Variants in ZFHX3 observed in about 807,000 individuals in gnomAD.
ZFHX3 encodes the protein zinc finger homeobox 3, also known as zinc finger homeobox protein 3.
ZFHX3 carries 42 observed loss-of-function variants against 279.1 expected under a neutral mutation model. That is an observed-to-expected ratio of 0.15 (90% CI 0.12 to 0.19). ZFHX3 has a LOEUF of 0.19. ZFHX3 is among the 10% of genes least tolerant of loss of function. The pLI is 1.00. For synonymous variants in ZFHX3, 2,293 were observed against 1,957.8 expected (o/e 1.17, Z -4.52); for missense variants, 4,981 against 4,754.0 (o/e 1.05, Z -1.40).
At chr16:72,911,810 G>A (rs1003635659) in intron 3 of ZFHX3, among the ~76,000 whole-genome samples, 13 of 152,168 alleles carry the variant, frequency 8.5e-5, no homozygotes, top group Non-Finnish European at 1.6e-4. Context: ...CTAGTGGACG[G>A]TGCTGAATTC....
chr16:73,537,268 T>G (rs2019918635), intron 2 of ZFHX3, among the ~76,000 whole-genome samples: 1 of 151,886 alleles, frequency 6.6e-6, no homozygotes, highest in African/African-American at 2.4e-5. Context: ...AATGTTTTCT[T>G]GTGTTCTGAT....
chr16:72,953,125 G>C (rs1240957715), intron 2 of ZFHX3, among the ~76,000 whole-genome samples: 1 of 152,184 alleles, frequency 6.6e-6, no homozygotes, highest in Non-Finnish European at 1.5e-5. Context: ...CAGACCAGCA[G>C]CTGCGTTTGA....
intron 3 of ZFHX3, among the ~76,000 whole-genome samples, chr16:73,390,317 G>A (rs1472310721): frequency 6.6e-6 from 1 of 152,188 alleles, no homozygotes; most frequent in East Asian, 1.9e-4. Context: ...TGGTCACCAT[G>A]GTGCTGAGAG....
chr16:73,078,866 G>T (rs1461834804), intron 8 of ZFHX3, among the ~76,000 whole-genome samples: 1 of 151,454 alleles, frequency 6.6e-6, no homozygotes, highest in Non-Finnish European at 1.5e-5. Flanking sequence ...GGATGGTCTC[G>T]ATCTCCTGAC....
chr16:73,743,109 A>G (rs1207093935), intron 1 of ZFHX3, among the ~76,000 whole-genome samples: 2 of 152,206 alleles, frequency 1.3e-5, no homozygotes, highest in African/African-American at 4.8e-5. Flanking sequence ...CTGAATTTTT[A>G]TATAAATGGG....
At chr16:73,064,508 CTTT>C (rs959939722), upstream of ZFHX3, among the ~76,000 whole-genome samples, 1 of 145,056 alleles carries the variant, frequency 6.9e-6, no homozygotes. Context: ...GGGAACAAGC[CTTT>C]TTTTTTTTTC....
intron 7 of ZFHX3, chr16:73,126,546 C>T (rs368765152): frequency 6.6e-6 from 1 of 152,108 alleles, no homozygotes; most frequent in Non-Finnish European, 1.5e-5. Flanking sequence ...TTAGGGTACA[C>T]GTTGGAAAAA....
chr16:73,295,510 T>A (rs2014887977), intron 4 of ZFHX3, among the ~76,000 whole-genome samples: 1 of 152,250 alleles, frequency 6.6e-6, no homozygotes, highest in African/African-American at 2.4e-5. Flanking sequence ...CAACTACATT[T>A]CAGCACACTT....
chr16:72,846,129 T>G (rs1315019862), intron 4 of ZFHX3, among the ~76,000 whole-genome samples: 1 of 150,510 alleles, frequency 6.6e-6, no homozygotes, highest in Non-Finnish European at 1.5e-5. Context: ...CAGGAAGGAG[T>G]GGGGAGAGTA....
At chr16:73,081,145 T>C (rs1965939091) in intron 8 of ZFHX3, 2 of 152,262 alleles carry the variant, frequency 1.3e-5, no homozygotes, top group Non-Finnish European at 2.9e-5. Flanking sequence ...AACCTCACTG[T>C]CCCAGCACCA....
At chr16:73,832,860 T>C (rs972762679) in intron 1 of ZFHX3, among the ~76,000 whole-genome samples, 3 of 152,200 alleles carry the variant, frequency 2.0e-5, no homozygotes, top group African/African-American at 7.2e-5. Flanking sequence ...TTCTCACAAA[T>C]TATCTTCATC....
intron 1 of ZFHX3, among the ~76,000 whole-genome samples, chr16:73,888,440 A>G (rs1469263247): frequency 1.3e-5 from 2 of 152,224 alleles, no homozygotes; most frequent in Admixed American, 1.3e-4. Flanking sequence ...AAAAATAGTA[A>G]TAATAATAAA....
intron 8 of ZFHX3, among the ~76,000 whole-genome samples, chr16:73,073,128 C>T (rs1965845405): frequency 6.6e-6 from 1 of 152,154 alleles, no homozygotes; most frequent in Non-Finnish European, 1.5e-5. Flanking sequence ...AACTCCTGAG[C>T]TCTGGCAATC....
chr16:73,131,431 T>C (rs1966678278), intron 6 of ZFHX3, among the ~76,000 whole-genome samples: 1 of 152,212 alleles, frequency 6.6e-6, no homozygotes, highest in African/African-American at 2.4e-5. Context: ...AAATGTAACT[T>C]GTCCAAGGTC....
chr16:73,644,129 G>C (rs912032610), intron 2 of ZFHX3, among the ~76,000 whole-genome samples: 1 of 151,992 alleles, frequency 6.6e-6, no homozygotes, highest in Non-Finnish European at 1.5e-5. Context: ...CTTTGACCTA[G>C]GTGGTTCTGG....
intron 5 of ZFHX3, among the ~76,000 whole-genome samples, chr16:73,247,624 AGTGT>A (rs2013331675): frequency 7.1e-6 from 1 of 139,876 alleles, no homozygotes; most frequent in Non-Finnish European, 1.5e-5. Context: ...CTGTATGTGG[AGTGT>A]GTGTGTTCAT....
chr16:73,702,676 A>G lies in ZFHX3; in HGVS notation c.-1607-22436T>C, dbSNP rs188547791. Among the ~76,000 whole-genome samples the G allele has an allele frequency of 1.1e-3, 171 of 152,268 alleles. 1 individual carries two copies. Among genetic ancestry groups the G allele is most frequent in the Non-Finnish European group, 1.0e-4 (7 of 68,024 alleles). ...TATATGTGGCCTGAAAAGATGAGAC[A>G]GCGCAGAATTCAGGGGTTGGGTCCC... is the stretch of plus-strand genomic sequence containing the variant. On this transcript the variant is annotated intron_variant, in intron 1 of 17. Transcript: ENST00000641206.
chr16:72,823,919 T>C (rs1597279420), intron 5 of ZFHX3, among the ~76,000 whole-genome samples: 1 of 152,290 alleles, frequency 6.6e-6, no homozygotes, highest in East Asian at 1.9e-4. Context: ...AGCACATACC[T>C]TCTTTTGTCC....
intron 4 of ZFHX3, among the ~76,000 whole-genome samples, chr16:73,288,029 G>C (rs922054984): frequency 7.2e-5 from 11 of 152,084 alleles, no homozygotes; most frequent in Non-Finnish European, 1.6e-4. Context: ...CCAGCATCTG[G>C]GCCGGCGGAG....
Sources: allele counts gnomAD v4.1 joint callset (sites outside exome capture counted in the v4.1 genomes callset), GRCh38; gene constraint gnomAD v4.1.1; transcripts MANE v1.5; gene names NCBI Gene and HGNC (gene_info 2026-07-23, HGNC 2026-07-21).